OLR1: variants seen among roughly 807,000 people sequenced by gnomAD.
The protein encoded by OLR1 is oxidized low density lipoprotein receptor 1, also known as oxidized low-density lipoprotein receptor 1.
In OLR1, 23 loss-of-function variants were observed where a neutral mutation model predicts 31.7. That is an observed-to-expected ratio of 0.72 (90% confidence interval 0.52 to 1.03). The LOEUF is 1.03. Ranked by LOEUF, OLR1 falls within the 50% of genes least tolerant of loss-of-function variation. OLR1 has a pLI of 0.00. For missense variants in OLR1, 286 were observed against 315.7 expected (o/e 0.91, Z 0.71); for synonymous variants, 117 against 115.8 (o/e 1.01, Z -0.07).
intron 3 of OLR1, 63 bp from the exon 4 acceptor site, chr12:10,160,988 TAAATC>T: frequency 6.8e-7 from 1 of 1,479,596 alleles, no homozygotes; most frequent in Non-Finnish European, 9.3e-7. Flanking sequence ...CTGCAGTTCT[TAAATC>T]AATGATCCCC....
At chr12:10,168,524 C>T (rs747969909) in intron 2 of OLR1, among the ~76,000 whole-genome samples, 6 of 152,120 alleles carry the variant, frequency 3.9e-5, no homozygotes, top group African/African-American at 1.2e-4. Context: ...AATGGAGTCT[C>T]GCTCTGTTGC....
chr12:10,170,491 C>CTTTTTTT (rs11377412), intron 1 of OLR1: 1 of 116,284 alleles, frequency 8.6e-6, no homozygotes, highest in Admixed American at 1.0e-4. Context: ...TCATCGTGCT[C>CTTTTTTT]TTTTTTTTTT....
intron 3 of OLR1, among the ~76,000 whole-genome samples, chr12:10,161,223 A>G (rs909217578): frequency 2.0e-5 from 3 of 151,786 alleles, no homozygotes; most frequent in Admixed American, 1.3e-4. Flanking sequence ...ATTTTTTGGG[A>G]AAAAAAAGAA....
upstream of OLR1, among the ~76,000 whole-genome samples, chr12:10,173,554 G>A (rs542090339): frequency 1.3e-5 from 2 of 151,634 alleles, no homozygotes; most frequent in Admixed American, 6.6e-5. Flanking sequence ...CTGAGGGGGG[G>A]GGTGGATCAC....
intron 3 of OLR1, among the ~76,000 whole-genome samples, chr12:10,166,455 G>A (rs141745569): frequency 4.0e-5 from 6 of 151,524 alleles, no homozygotes; most frequent in South Asian, 4.2e-4. Flanking sequence ...TTGAACCCAG[G>A]GGGTGGAGGT....
chr12:10,165,395 A>G (rs1948652977), intron 3 of OLR1, among the ~76,000 whole-genome samples: 1 of 151,836 alleles, frequency 6.6e-6, no homozygotes, highest in East Asian at 1.9e-4. Context: ...AGGCCACTGC[A>G]TTCCAGCCTG....
upstream of OLR1, among the ~76,000 whole-genome samples, chr12:10,173,213 A>G (rs1009318825): frequency 2.0e-4 from 31 of 152,178 alleles, 1 homozygote; most frequent in Admixed American, 1.9e-3. Context: ...ACAACCTCCT[A>G]ACCAGATATA....
chr12:10,167,937 T>C (rs2742118), intron 2 of OLR1, among the ~76,000 whole-genome samples: 1 of 152,184 alleles, frequency 6.6e-6, no homozygotes, highest in African/African-American at 2.4e-5. Context: ...TTTGATCCTG[T>C]TATAAGATGA....
At position 10,158,401 on chromosome 12, in the gene OLR1, C is replaced by T. The variant is rs1466368930; in HGVS notation, c.*1479G>A. The T allele has an allele frequency of 6.6e-6, 1 of 151,994 alleles. No individual in the cohort carries two copies. Among genetic ancestry groups the T allele is most frequent in the Non-Finnish European group, 1.5e-5 (1 of 67,992 alleles). 9.4% of individuals were successfully genotyped at this position (151,994 alleles called of 1,614,324 possible). On this transcript the variant is annotated 3_prime_UTR_variant, in exon 6 of 6. Coordinates refer to ENST00000309539, the MANE Select transcript of OLR1 (RefSeq NM_002543.4). ...AATGGGTAAATGAATTGTGGTATAT[C>T]CATACAAGGGAATATTCAACATTTA...
intron 5 of OLR1, 34 bp downstream of exon 5, chr12:10,160,313 A>T: frequency 6.6e-7 from 1 of 1,519,578 alleles, no homozygotes; most frequent in Non-Finnish European, 9.1e-7. Flanking sequence ...TAGGAAACTG[A>T]CGAGAGAGGC....
chr12:10,168,895 G>T (rs1014761611), intron 2 of OLR1, among the ~76,000 whole-genome samples, 179 bp downstream of exon 2: 1 of 152,162 alleles, frequency 6.6e-6, no homozygotes, highest in African/African-American at 2.4e-5. Context: ...TCTATCCATT[G>T]GAAGATGAAC....
chr12:10,159,026 A>G lies in OLR1; in HGVS notation c.*854T>C, dbSNP rs1948597479. ...CTTGTATGTTTCGGAATTATAGCAT[A>G]GCAAAACAGAGTTGAGAAGAGTTCA... On this transcript the variant is annotated 3_prime_UTR_variant, in exon 6 of 6. Transcript: ENST00000309539. The G allele has an allele frequency of 6.6e-6, 1 of 152,222 alleles. No homozygotes were observed. Among genetic ancestry groups the G allele is most frequent in the Admixed American group, 6.5e-5 (1 of 15,282 alleles). 9.4% of individuals were successfully genotyped at this position (152,222 alleles called of 1,614,324 possible).
intron 3 of OLR1, among the ~76,000 whole-genome samples, chr12:10,164,985 C>A (rs906968431): frequency 6.6e-6 from 1 of 152,054 alleles, no homozygotes; most frequent in African/African-American, 2.4e-5. Context: ...TTGATGGGCC[C>A]GGCACAGTGG....
Position 10,172,030 on chromosome 12 carries a change from A to G in OLR1, c.48T>C (p.Asp16=), listed in dbSNP as rs1478020100. 7 of 1,613,786 alleles carry G rather than the reference A, an allele frequency of 4.3e-6. No individual in the cohort carries two copies. Among genetic ancestry groups the G allele is most frequent in the East Asian group, 2.2e-5 (1 of 44,870 alleles). The change falls in exon 1 of 6, where the codon GAT becomes GAC. Residue 16 remains aspartate, a synonymous_variant. Transcript: ENST00000309539. ...LKIQTVKDQP[D]EKSNGKKAKG... ...TAGCTTTTTTTCCATTTGACTTCTC[A>G]TCAGGCTGGTCCTTCACAGTCTGGA...
chr12:10,173,770 A>C (rs1948744255), upstream of OLR1, among the ~76,000 whole-genome samples: 1 of 151,896 alleles, frequency 6.6e-6, no homozygotes, highest in African/African-American at 2.4e-5. Flanking sequence ...CTTTAAAAAA[A>C]AAAAAAAAAA....
chr12:10,160,142 G>A, intron 5 of OLR1, 121 bp from the exon 6 acceptor site: 1 of 1,139,082 alleles, frequency 8.8e-7, no homozygotes, highest in Non-Finnish European at 1.2e-6. Flanking sequence ...ATAAATGTGG[G>A]AAGGAAAACT....
upstream of OLR1, chr12:10,172,192 G>T (rs1201679191): frequency 2.9e-6 from 2 of 697,706 alleles, no homozygotes; most frequent in African/African-American, 3.5e-5. Flanking sequence ...ATAGAAGAAT[G>T]ACTCAATCAT....
At chr12:10,168,127 A>T (rs1346859526) in intron 2 of OLR1, among the ~76,000 whole-genome samples, 2 of 152,240 alleles carry the variant, frequency 1.3e-5, no homozygotes, top group African/African-American at 4.8e-5. Flanking sequence ...GGTAGCCTAA[A>T]CAACTCAGTT....
rs747491547 is a variant in OLR1 at position 10,159,871 on chromosome 12, C to T, written c.*9G>A. 2 of 1,595,178 alleles carry T rather than the reference C, an allele frequency of 1.3e-6. No homozygotes were observed. The highest frequency in any genetic ancestry group is 3.5e-5 in the Admixed American group (2 of 57,846). On this transcript the variant is annotated 3_prime_UTR_variant, in exon 6 of 6. Coordinates refer to ENST00000309539, the MANE Select transcript of OLR1 (RefSeq NM_002543.4). ...AAGACTTTTTTCTTTTCTTCCAGAG[C>T]CTTCAAATTCACTGTGCTCTTAGGT...
Sources: gnomAD v4.1 joint callset for allele counts (sites outside exome capture counted in the v4.1 genomes callset) on GRCh38, gnomAD v4.1.1 for gene constraint, MANE v1.5 for transcripts, NCBI Gene and HGNC (gene_info 2026-07-23, HGNC 2026-07-21) for gene names.